Variants in DIPK1A observed in about 807,000 individuals in gnomAD.
DIPK1A encodes divergent protein kinase domain 1A.
DIPK1A carries 27 observed loss-of-function variants against 40.8 expected under a neutral mutation model. That is an observed-to-expected ratio of 0.66 (90% CI 0.49 to 0.91). The LOEUF (loss-of-function observed/expected upper bound fraction) is 0.91, where lower values mean the gene tolerates loss of function less well. DIPK1A is among the 40% of genes least tolerant of loss of function. The pLI is 0.00. For synonymous variants in DIPK1A, 166 were observed against 171.3 expected (o/e 0.97, Z 0.24); for missense variants, 412 against 505.7 (o/e 0.81, Z 1.78).
chr1:92,942,896 C>T (rs1213863824), intron 1 of DIPK1A, among the ~76,000 whole-genome samples: 1 of 152,196 alleles, frequency 6.6e-6, no homozygotes, highest in African/African-American at 2.4e-5. Flanking sequence ...AACTCCTGAC[C>T]TCATGATTCG....
intron 1 of DIPK1A, among the ~76,000 whole-genome samples, chr1:92,936,585 C>T (rs931993060): frequency 8.6e-5 from 13 of 150,712 alleles, no homozygotes; most frequent in Admixed American, 8.6e-4. Context: ...GCCGAGATCA[C>T]ACCACTGCAC....
chr1:92,898,887 C>T (rs558741901), intron 1 of DIPK1A, among the ~76,000 whole-genome samples: 264 of 152,162 alleles, frequency 1.7e-3, no homozygotes, highest in Non-Finnish European at 2.9e-3. Flanking sequence ...TTCACCTTCC[C>T]GAGTAGCTGC....
intron 4 of DIPK1A, 143 bp downstream of exon 4, chr1:92,847,040 G>A (rs1361202053): frequency 2.6e-5 from 13 of 504,498 alleles, no homozygotes; most frequent in Admixed American, 1.4e-4. Flanking sequence ...CACCACGCCC[G>A]GCCTCTTATA....
chr1:92,916,214 G>A (rs1650046747), intron 1 of DIPK1A, among the ~76,000 whole-genome samples: 1 of 151,780 alleles, frequency 6.6e-6, no homozygotes, highest in African/African-American at 2.4e-5. Flanking sequence ...AAAAATTACT[G>A]AATTGTGTGC....
In DIPK1A at chr1:92,842,765, G is replaced by C. The variant is rs1687427060; in HGVS notation, c.*618C>G. The C allele has an allele frequency of 1.0e-6, 1 of 985,208 alleles. No homozygotes were observed. Among genetic ancestry groups the C allele is most frequent in the Admixed American group, 6.2e-5 (1 of 16,256 alleles). 61.0% of individuals were successfully genotyped at this position (985,208 alleles called of 1,614,324 possible). On this transcript the variant is annotated 3_prime_UTR_variant, in exon 5 of 5. Coordinates refer to ENST00000370310, the MANE Select transcript of DIPK1A (RefSeq NM_001006605.5). ...CATCCATTTTTAGTCAATAAAATTG[G>C]TGTACTGTCAAGTATAAGATTTCTT...
Position 92,961,359 on chromosome 1 carries a change from G to T in DIPK1A, c.54+17C>A. On this transcript the variant is annotated intron_variant, in intron 1 of 4. Coordinates refer to ENST00000370310, the MANE Select transcript of DIPK1A (RefSeq NM_001006605.5). ...CGGGTGCTCCCGCAGCTGGTGGCTG[G>T]GCGGCCGCCGGCCTACCTGGAGGTA... 1 of 1,500,210 alleles carries T rather than the reference G, an allele frequency of 6.7e-7. No individual in the cohort carries two copies. The highest frequency in any genetic ancestry group is 8.9e-7 in the Non-Finnish European group (1 of 1,119,668). The allele number at this position is 1,500,210 out of a possible 1,614,324, so 92.9% of individuals were successfully genotyped here. A position where few individuals can be genotyped will look rare whatever the true frequency, so the allele number is the denominator to read the frequency against.
downstream of DIPK1A, among the ~76,000 whole-genome samples, chr1:92,839,084 G>T (rs751632037): frequency 4.6e-5 from 7 of 151,474 alleles, no homozygotes; most frequent in African/African-American, 1.7e-4. Context: ...CCCTGGCGGG[G>T]CATGGTGGCT....
chr1:92,837,856 A>G, downstream of DIPK1A: 2 of 549,794 alleles, frequency 3.6e-6, no homozygotes, highest in Non-Finnish European at 6.5e-6. Context: ...GTATTTGTAG[A>G]TGTCATTTCT....
At chr1:92,924,453 G>A (rs1455543166) in intron 1 of DIPK1A, among the ~76,000 whole-genome samples, 1 of 152,076 alleles carries the variant, frequency 6.6e-6, no homozygotes, top group African/African-American at 2.4e-5. Context: ...AACCCGCACG[G>A]ATCAAGGGGA....
chr1:92,850,784 C>T (rs1018202660), intron 3 of DIPK1A, 64 bp downstream of exon 3: 3 of 1,018,428 alleles, frequency 2.9e-6, no homozygotes, highest in Non-Finnish European at 4.3e-6. Flanking sequence ...TTAATAATGC[C>T]TTTAATTTCT....
In DIPK1A at chr1:92,843,268, TG is replaced by T. The variant is rs1177156942; in HGVS notation, c.*114del. The T allele has an allele frequency of 5.5e-6, 8 of 1,450,324 alleles. No individual in the cohort carries two copies. The Admixed American group carries it at 8.7e-5, about 16-fold the overall frequency. 89.8% of individuals were successfully genotyped at this position (1,450,324 alleles called of 1,614,324 possible). ...TCACATACTGATGGCTTCTCAGGCC[TG>T]GGGGGAAGGAGTTTTGTGTAACTGG... is the stretch of plus-strand genomic sequence containing the variant. On this transcript the variant is annotated 3_prime_UTR_variant, in exon 5 of 5. Transcript: ENST00000370310.
At chr1:92,833,218 T>G (rs1686981107) in intron 4 of DIPK1A, 10 of 656,144 alleles carry the variant, frequency 1.5e-5, no homozygotes, top group Admixed American at 7.9e-5. Context: ...ACATGGAAGG[T>G]AGAGGAAAAA....
chr1:92,905,106 C>T (rs1337287599), intron 1 of DIPK1A, among the ~76,000 whole-genome samples: 3 of 152,150 alleles, frequency 2.0e-5, no homozygotes, highest in Admixed American at 2.0e-4. Context: ...AATAGTGCTA[C>T]AATCTAATGG....
At chr1:92,883,987 A>G (rs1203351906) in intron 1 of DIPK1A, among the ~76,000 whole-genome samples, 1 of 152,226 alleles carries the variant, frequency 6.6e-6, no homozygotes, top group African/African-American at 2.4e-5. Flanking sequence ...CTTCTGCCTT[A>G]GAGGAGAACT....
chr1:92,853,764 G>T (rs1427079664), intron 2 of DIPK1A, among the ~76,000 whole-genome samples: 1 of 152,218 alleles, frequency 6.6e-6, no homozygotes, highest in Non-Finnish European at 1.5e-5. Flanking sequence ...ATCTCTTGAA[G>T]AAATGATTAG....
chr1:92,887,187 C>G (rs552518841), intron 1 of DIPK1A, among the ~76,000 whole-genome samples: 9 of 144,962 alleles, frequency 6.2e-5, no homozygotes, highest in African/African-American at 2.3e-4. Context: ...GGAGGCCAAG[C>G]AGGAGGATCA....
At chr1:92,910,155 G>A (rs1237322549) in intron 1 of DIPK1A, among the ~76,000 whole-genome samples, 1 of 152,122 alleles carries the variant, frequency 6.6e-6, no homozygotes, top group Non-Finnish European at 1.5e-5. Context: ...AATTTTATCA[G>A]TACTTTGCTA....
At chr1:92,872,240 C>T (rs964050397) in intron 2 of DIPK1A, among the ~76,000 whole-genome samples, 1 of 151,702 alleles carries the variant, frequency 6.6e-6, no homozygotes, top group Non-Finnish European at 1.5e-5. Flanking sequence ...CCACTACACT[C>T]GGCTAATTTT....
intron 2 of DIPK1A, among the ~76,000 whole-genome samples, chr1:92,868,607 C>T (rs1647678338): frequency 6.6e-6 from 1 of 152,114 alleles, no homozygotes; most frequent in African/African-American, 2.4e-5. Flanking sequence ...GTTTTCATTG[C>T]ACTTGTCAGT....
Sources: allele counts gnomAD v4.1 joint callset (sites outside exome capture counted in the v4.1 genomes callset), GRCh38; gene constraint gnomAD v4.1.1; transcripts MANE v1.5; gene names NCBI Gene and HGNC (gene_info 2026-07-23, HGNC 2026-07-21).